Variants in ATP6V1A observed in about 807,000 individuals in gnomAD.
ATP6V1A encodes the protein ATPase H+ transporting V1 subunit A.
Under a neutral mutation model 70.1 loss-of-function variants are expected in ATP6V1A, and 18 were observed. The observed-to-expected ratio is 0.26, with a 90% CI of 0.18 to 0.38. The LOEUF (loss-of-function observed/expected upper bound fraction) is 0.38, where lower values mean the gene tolerates loss of function less well. Ranked by LOEUF, ATP6V1A falls within the 10% of genes least tolerant of loss-of-function variation. The pLI is 1.00. For synonymous variants in ATP6V1A, 232 were observed against 253.8 expected (o/e 0.91, Z 0.82); for missense variants, 424 against 772.4 (o/e 0.55, Z 5.35).
At chr3:113,769,157 A>AT (rs1423369895) in intron 1 of ATP6V1A, among the ~76,000 whole-genome samples, 3 of 152,232 alleles carry the variant, frequency 2.0e-5, no homozygotes, top group Admixed American at 2.0e-4. Context: ...ATTGAAGGAG[A>AT]TGAATAGAGA....
intron 14 of ATP6V1A, among the ~76,000 whole-genome samples, chr3:113,807,290 C>T (rs543011124): frequency 7.3e-4 from 111 of 151,418 alleles, no homozygotes; most frequent in Non-Finnish European, 1.3e-3. Flanking sequence ...AGCAGTTCTT[C>T]CTGCCTCAGC....
At chr3:113,793,810 A>G (rs1559758784) in intron 8 of ATP6V1A, among the ~76,000 whole-genome samples, 1 of 152,204 alleles carries the variant, frequency 6.6e-6, no homozygotes, top group African/African-American at 2.4e-5. Context: ...TTTTACTTAT[A>G]TAAACCTCTG....
At chr3:113,761,049 G>T (rs1378999707) in intron 1 of ATP6V1A, among the ~76,000 whole-genome samples, 1 of 151,534 alleles carries the variant, frequency 6.6e-6, no homozygotes, top group Admixed American at 6.6e-5. Flanking sequence ...CCTGCCCATA[G>T]AGCGAGACTC....
intron 12 of ATP6V1A, chr3:113,802,888 C>G (rs1709231324): frequency 6.6e-6 from 1 of 152,646 alleles, no homozygotes; most frequent in Non-Finnish European, 1.5e-5. Context: ...GTCTCTCACT[C>G]CTGAGCTCAA....
In ATP6V1A at chr3:113,784,400, G is replaced by C; in HGVS notation, c.388G>C (p.Asp130His). 2 of 1,614,092 alleles carry C rather than the reference G, an allele frequency of 1.2e-6. No individual in the cohort carries two copies. Among genetic ancestry groups the C allele is most frequent in the Non-Finnish European group, 1.7e-6 (2 of 1,179,952 alleles). ...AGTAAACGTGTCTGCTCTTAGCAGA[G>C]ATATCAAATGGGACTTTACACCTTG... ...RGVNVSALSRDIKWDFTPCKN... is the reference protein window; with the variant it reads ...RGVNVSALSRHIKWDFTPCKN... Residue 130 changes from aspartate (D) to histidine (H), a missense_variant, in exon 4 of 15, where the codon GAT becomes CAT. Around this residue, in one of 9 missense-constraint regions of ATP6V1A, gnomAD observed 139 missense variants for 163.5 expected, o/e 0.85. Transcript: ENST00000273398.
chr3:113,779,617 C>T (rs1250058812), intron 2 of ATP6V1A, among the ~76,000 whole-genome samples: 2 of 151,954 alleles, frequency 1.3e-5, no homozygotes, highest in South Asian at 2.1e-4. Context: ...CTTTTTTCTC[C>T]CCCAAGAACT....
At chr3:113,772,933 C>CTTTTTTTTTTTTT (rs762901487) in intron 1 of ATP6V1A, among the ~76,000 whole-genome samples, 9 of 90,452 alleles carry the variant, frequency 1.0e-4, no homozygotes, top group South Asian at 3.8e-4. Context: ...TTAATATTGG[C>CTTTTTTTTTTTTT]TTTTTTTTTT....
In ATP6V1A at chr3:113,787,901, ATCTCTC is replaced by A. The variant is rs139157590; in HGVS notation, c.717-806_717-801del. On this transcript the variant is annotated intron_variant, in intron 6 of 14. Transcript: ENST00000273398. The stretch of plus-strand genomic sequence containing the variant: ...GCTTAAAAAGCGTAAACCGTCTCCT[ATCTCTC>A]TCTCTTTCTCTCTCTGTCTCTCGCT... Among the ~76,000 whole-genome samples, 7 of 152,248 alleles carry A rather than the reference ATCTCTC, an allele frequency of 4.6e-5. No homozygotes were observed. In the East Asian group the frequency reaches 1.4e-3, roughly 29 times the overall value.
chr3:113,774,842 A>G (rs1708889961), intron 1 of ATP6V1A, among the ~76,000 whole-genome samples: 1 of 151,900 alleles, frequency 6.6e-6, no homozygotes, highest in Non-Finnish European at 1.5e-5. Context: ...AAAAAAAAGC[A>G]GCATTCAGAA....
At chr3:113,756,346 C>T (rs1008122527) in intron 1 of ATP6V1A, among the ~76,000 whole-genome samples, 1 of 152,174 alleles carries the variant, frequency 6.6e-6, no homozygotes, top group African/African-American at 2.4e-5. Flanking sequence ...ACATTTTGTA[C>T]ATCTACAATA....
chr3:113,792,051 T>G (rs1042762742), intron 8 of ATP6V1A, among the ~76,000 whole-genome samples: 6 of 152,222 alleles, frequency 3.9e-5, no homozygotes, highest in Non-Finnish European at 8.8e-5. Flanking sequence ...TCCTAGTTTT[T>G]AATGACTAAA....
At chr3:113,798,033 TGA>T (rs1709172138) in intron 11 of ATP6V1A, among the ~76,000 whole-genome samples, 1 of 152,000 alleles carries the variant, frequency 6.6e-6, no homozygotes, top group Non-Finnish European at 1.5e-5. Context: ...CTGGTGAGGC[TGA>T]GTCAGGAGAA....
chr3:113,767,487 G>T (rs1708787158), intron 1 of ATP6V1A, among the ~76,000 whole-genome samples: 1 of 152,110 alleles, frequency 6.6e-6, no homozygotes, highest in Admixed American at 6.6e-5. Context: ...GATATAATAC[G>T]CACTTTGAGG....
chr3:113,774,591 A>G (rs1708886932), intron 1 of ATP6V1A, among the ~76,000 whole-genome samples: 1 of 152,182 alleles, frequency 6.6e-6, no homozygotes, highest in African/African-American at 2.4e-5. Flanking sequence ...AGGTGGGCAG[A>G]TCACTTGAGG....
At chr3:113,764,739 C>T (rs1350043383) in intron 1 of ATP6V1A, among the ~76,000 whole-genome samples, 1 of 152,000 alleles carries the variant, frequency 6.6e-6, no homozygotes, top group Non-Finnish European at 1.5e-5. Context: ...GTGAGCTTTA[C>T]AATTACTTTT....
intron 3 of ATP6V1A, among the ~76,000 whole-genome samples, chr3:113,782,761 T>C (rs1708993883): frequency 6.6e-6 from 1 of 151,758 alleles, no homozygotes; most frequent in African/African-American, 2.4e-5. Flanking sequence ...TAGCTGGGAT[T>C]ACAGGCACGT....
rs138207180 is a variant in ATP6V1A, at chr3:113,747,699, G to A, written c.-14+586G>A. Among the ~76,000 whole-genome samples, 637 of 152,304 alleles carry A rather than the reference G, an allele frequency of 4.2e-3. 4 individuals are homozygous for A. Among genetic ancestry groups the A allele is most frequent in the African/African-American group, 0.013 (550 of 41,560 alleles). On this transcript the variant is annotated intron_variant, in intron 1 of 14. Transcript: ENST00000273398. ...GTAGATGTTCACGTGCTTCGGATGGGACTAGAAAAGTAAAAGAAGGGCTTT... is the reference window on the plus strand; with the variant it reads ...GTAGATGTTCACGTGCTTCGGATGGAACTAGAAAAGTAAAAGAAGGGCTTT...
chr3:113,803,130 G>A (rs765043605), intron 12 of ATP6V1A, among the ~76,000 whole-genome samples: 1 of 152,202 alleles, frequency 6.6e-6, no homozygotes, highest in Non-Finnish European at 1.5e-5. Flanking sequence ...GATAAACTTT[G>A]AGGGCATTAT....
At chr3:113,805,921 T>G (rs1479782362) in intron 14 of ATP6V1A, among the ~76,000 whole-genome samples, 2 of 152,198 alleles carry the variant, frequency 1.3e-5, no homozygotes, top group African/African-American at 4.8e-5. Context: ...TGTTCAGGTT[T>G]TGTAAAATCA....
Sources: gnomAD v4.1 joint callset for allele counts (sites outside exome capture counted in the v4.1 genomes callset) on GRCh38, gnomAD v4.1.1 for gene constraint, gnomAD v4.1.1 regional missense constraint, MANE v1.5 for transcripts, NCBI Gene and HGNC (gene_info 2026-07-23, HGNC 2026-07-21) for gene names.